Variants in RAD54B observed in about 807,000 individuals in gnomAD.
The protein encoded by RAD54B is RAD54 homolog B, also known as DNA repair and recombination protein RAD54B.
A neutral mutation model predicts 95.8 loss-of-function variants in RAD54B; 78 were observed. The ratio of observed to expected loss-of-function variants is 0.81; its 90% CI spans 0.68 to 0.98. The LOEUF is 0.98. RAD54B is among the 50% of genes least tolerant of loss of function. The probability of loss-of-function intolerance (pLI) is 0.00; values close to 1 mark genes in which losing one functional copy is unlikely to be tolerated. For synonymous variants in RAD54B, 328 were observed against 354.9 expected (o/e 0.92, Z 0.85); for missense variants, 957 against 1,056.6 (o/e 0.91, Z 1.31).
intron 3 of RAD54B, chr8:94,427,852 C>T: frequency 1.0e-6 from 1 of 959,122 alleles, no homozygotes; most frequent in Non-Finnish European, 1.2e-6. Flanking sequence ...GACATTACTC[C>T]AAAAGAAGGC....
At chr8:94,469,779 G>C (rs1813122607) in intron 1 of RAD54B, among the ~76,000 whole-genome samples, 2 of 152,118 alleles carry the variant, frequency 1.3e-5, no homozygotes, top group African/African-American at 4.8e-5. Context: ...CAAATATTTT[G>C]AATGAATGAA....
intron 5 of RAD54B, among the ~76,000 whole-genome samples, chr8:94,406,172 G>A (rs894866486): frequency 4.0e-5 from 6 of 151,752 alleles, no homozygotes; most frequent in Non-Finnish European, 7.4e-5. Flanking sequence ...AAATCTCTAC[G>A]GTGGTTATTA....
intron 3 of RAD54B, among the ~76,000 whole-genome samples, chr8:94,416,092 A>G (rs1213862322): frequency 2.8e-4 from 42 of 151,076 alleles, no homozygotes; most frequent in Admixed American, 7.9e-4. Context: ...CACTATTCAC[A>G]ATAGCAAAGA....
intron 12 of RAD54B, among the ~76,000 whole-genome samples, chr8:94,379,701 T>C (rs1208672653): frequency 6.6e-6 from 1 of 152,212 alleles, no homozygotes; most frequent in Non-Finnish European, 1.5e-5. Context: ...GGCTGTACTC[T>C]AAAGAAAACC....
At position 94,407,458 on chromosome 8, in the gene RAD54B, G is replaced by A. The variant is rs1458543637; in HGVS notation, c.762C>T (p.Arg254=). The A allele has an allele frequency of 1.2e-6, 2 of 1,613,212 alleles. No individual in the cohort carries two copies. Among genetic ancestry groups the A allele is most frequent in the South Asian group, 2.2e-5 (2 of 91,004 alleles). ...RQNDFQNCKP[R]HDPYTPNSLV... ...TCTTACTTGGCGTATATGGGTCATG[G>A]CGTGGTTTGCAATTTTGGAAATCAT... Residue 254 remains arginine, a synonymous_variant, in exon 5 of 15, where the codon CGC becomes CGT. Coordinates refer to ENST00000336148, the MANE Select transcript of RAD54B (RefSeq NM_012415.3).
At chr8:94,437,038 G>T (rs941225168) in intron 3 of RAD54B, 1 of 1,332,372 alleles carries the variant, frequency 7.5e-7, no homozygotes, top group Non-Finnish European at 9.7e-7. Context: ...GCTGACGCAG[G>T]TTCAGGAAAT....
At chr8:94,378,125 T>C in intron 14 of RAD54B, 55 bp downstream of exon 14, 2 of 1,285,894 alleles carry the variant, frequency 1.6e-6, no homozygotes, top group Non-Finnish European at 1.1e-6. Flanking sequence ...TTTCAACTGC[T>C]AACAAGAAAT....
intron 3 of RAD54B, chr8:94,428,422 T>TGA (rs1053291164): frequency 1.7e-6 from 1 of 584,306 alleles, no homozygotes; most frequent in African/African-American, 2.0e-5. Flanking sequence ...GATCCACAGA[T>TGA]ACTCAAGTCC....
intron 3 of RAD54B, among the ~76,000 whole-genome samples, chr8:94,421,861 T>C (rs1811814373): frequency 6.6e-6 from 1 of 152,266 alleles, no homozygotes; most frequent in African/African-American, 2.4e-5. Context: ...CAGCGTCTTT[T>C]GCCACCTCTA....
chr8:94,453,520 C>T (rs1447535917), intron 3 of RAD54B, among the ~76,000 whole-genome samples: 1 of 152,008 alleles, frequency 6.6e-6, no homozygotes. Context: ...CAGAGCAAGA[C>T]TCCGTCTCAA....
intron 3 of RAD54B, chr8:94,430,972 T>C (rs183040785): frequency 2.0e-6 from 2 of 985,398 alleles, no homozygotes; most frequent in East Asian, 2.3e-4. Flanking sequence ...TTGTCTTTTT[T>C]CCAGCGTCTC....
chr8:94,454,822 C>A (rs981730848), intron 3 of RAD54B, among the ~76,000 whole-genome samples: 1 of 152,138 alleles, frequency 6.6e-6, no homozygotes, highest in Non-Finnish European at 1.5e-5. Context: ...AAAGAAAACA[C>A]AAAAGTCTAA....
rs773028914 is a variant in RAD54B at position 94,380,363 on chromosome 8, G to A, written c.2029C>T (p.Gln677Ter). ...TATCCATGACGCTTACATACTTCTT[G>A]TAAAATGTTCAAGGTTTGTGTATAG... ...SNYTQTLNIL[Q>*]EVCKRHGYAY... is the part of the protein sequence containing the mutation. The change falls in exon 12 of 15, where the codon CAA becomes TAA. Residue 677 changes from glutamine to a stop codon, truncating the protein, a stop_gained. Transcript: ENST00000336148. LOFTEE classifies it high-confidence loss of function. 1.2e-6 allele frequency: 2 copies of A among 1,613,712 alleles called. No homozygotes were observed. The highest frequency in any genetic ancestry group is 1.7e-6 in the Non-Finnish European group (2 of 1,179,784).
At chr8:94,403,223 G>C (rs1366407587) in intron 6 of RAD54B, among the ~76,000 whole-genome samples, 2 of 152,148 alleles carry the variant, frequency 1.3e-5, no homozygotes, top group Non-Finnish European at 2.9e-5. Context: ...AAAAAGACTG[G>C]AAGAAATGTT....
At chr8:94,393,103 T>C (rs1811060929) in intron 9 of RAD54B, among the ~76,000 whole-genome samples, 2 of 151,916 alleles carry the variant, frequency 1.3e-5, no homozygotes, top group Non-Finnish European at 1.5e-5. Flanking sequence ...ATTACAGGAA[T>C]GAGCCACCAC....
intron 4 of RAD54B, among the ~76,000 whole-genome samples, chr8:94,408,746 T>G (rs1811452599): frequency 6.6e-6 from 1 of 152,170 alleles, no homozygotes; most frequent in South Asian, 2.1e-4. Context: ...TCAGTATTGG[T>G]CTTCACTTAT....
intron 3 of RAD54B, chr8:94,432,056 T>C: frequency 6.9e-7 from 1 of 1,452,792 alleles, no homozygotes; most frequent in African/African-American, 1.4e-5. Context: ...ACGTGTATTC[T>C]GTTTCAGGAT....
At chr8:94,433,508 G>A (rs1373856396) in intron 3 of RAD54B, among the ~76,000 whole-genome samples, 2 of 151,962 alleles carry the variant, frequency 1.3e-5, no homozygotes, top group Non-Finnish European at 1.5e-5. Flanking sequence ...TATATTAAAG[G>A]TTTATTAAAT....
At position 94,424,581 on chromosome 8, in the gene RAD54B, C is replaced by T. The variant is rs76942691; in HGVS notation, c.305-13266G>A. On this transcript the variant is annotated intron_variant, in intron 3 of 14. Coordinates refer to ENST00000336148, the MANE Select transcript of RAD54B (RefSeq NM_012415.3). Reference sequence around the variant, plus strand: ...AACATAACCTCCTATATCTAGACTACTTGTATTACAGAAAATATTGACTAA... The same window carrying T: ...AACATAACCTCCTATATCTAGACTATTTGTATTACAGAAAATATTGACTAA... Among the ~76,000 whole-genome samples the T allele has an allele frequency of 3.4e-3, 512 of 152,264 alleles. 4 individuals carry two copies. The East Asian group carries it at 0.04, about 12-fold the overall frequency.
Sources: gnomAD v4.1 joint callset for allele counts (sites outside exome capture counted in the v4.1 genomes callset) on GRCh38, gnomAD v4.1.1 for gene constraint, MANE v1.5 for transcripts, NCBI Gene and HGNC (gene_info 2026-07-23, HGNC 2026-07-21) for gene names.